Variants in RAB6B observed in about 807,000 individuals in gnomAD.
RAB6B encodes the protein ras-related protein Rab-6B.
In RAB6B, 7 loss-of-function variants were observed where a neutral mutation model predicts 31.2. The observed-to-expected ratio is 0.22, with a 90% CI of 0.13 to 0.42. The LOEUF (loss-of-function observed/expected upper bound fraction) is 0.42, where lower values mean the gene tolerates loss of function less well. Among genes scored for constraint, RAB6B ranks in the 10% least tolerant of loss-of-function variants. The probability of loss-of-function intolerance (pLI) is 1.00; values close to 1 mark genes in which losing one functional copy is unlikely to be tolerated. For missense variants in RAB6B, 149 were observed against 280.6 expected (o/e 0.53, Z 3.35); for synonymous variants, 105 against 104.9 (o/e 1.00, Z -0.01).
At chr3:133,872,088 G>C (rs1224429689) in intron 1 of RAB6B, among the ~76,000 whole-genome samples, 1 of 152,236 alleles carries the variant, frequency 6.6e-6, no homozygotes, top group Non-Finnish European at 1.5e-5. Context: ...GCCAGGAAAA[G>C]AATCTCTGCA....
At chr3:133,852,677 C>T (rs1936004761) in intron 2 of RAB6B, among the ~76,000 whole-genome samples, 1 of 141,976 alleles carries the variant, frequency 7.0e-6, no homozygotes, top group African/African-American at 2.4e-5. Flanking sequence ...GGGGATCTCA[C>T]CATGTTGCCC....
intron 1 of RAB6B, among the ~76,000 whole-genome samples, chr3:133,877,833 T>C (rs564224884): frequency 6.7e-6 from 1 of 149,708 alleles, no homozygotes; most frequent in African/African-American, 2.4e-5. Flanking sequence ...TAATAACATA[T>C]AGTATAATAT....
Position 133,828,646 on chromosome 3 carries a change from C to G in RAB6B, c.*142G>C, listed in dbSNP as rs73861225. 303 of 493,462 alleles carry G rather than the reference C, an allele frequency of 6.1e-4. 12 individuals carry two copies. Among genetic ancestry groups the G allele is most frequent in the African/African-American group, 5.5e-3 (276 of 49,982 alleles). 30.6% of individuals were successfully genotyped at this position (493,462 alleles called of 1,614,324 possible). On this transcript the variant is annotated 3_prime_UTR_variant, in exon 8 of 8. Coordinates refer to ENST00000285208, the MANE Select transcript of RAB6B (RefSeq NM_016577.4). ...CCTGATGCCCAGCCTCCCTCCCCAT[C>G]CCACCCTACTCCTAAAGACAGAGAG... is the stretch of plus-strand genomic sequence containing the variant.
chr3:133,841,213 C>A, intron 4 of RAB6B, 72 bp downstream of exon 4: 1 of 1,426,128 alleles, frequency 7.0e-7, no homozygotes, highest in Non-Finnish European at 9.9e-7. Context: ...TGCACACAGG[C>A]CTGGCCAGGG....
chr3:133,840,009 C>T (rs1365962132), intron 4 of RAB6B, among the ~76,000 whole-genome samples: 25 of 150,552 alleles, frequency 1.7e-4, no homozygotes, highest in African/African-American at 7.4e-5. Context: ...CACACACATG[C>T]GCGCGCGACT....
At chr3:133,879,065 T>C (rs1260072440) in intron 1 of RAB6B, among the ~76,000 whole-genome samples, 1 of 152,200 alleles carries the variant, frequency 6.6e-6, no homozygotes, top group Non-Finnish European at 1.5e-5. Context: ...TTAGTTCCTA[T>C]TCTCTCTGAG....
rs1936699228 is a variant in RAB6B, at chr3:133,895,619, G to A, written c.-153C>T. ...GTCCCTGACTCCCCAGCTGCGTCCCGGTCCCGGCCTGCGGCTGCGTGTCCG... is the reference window on the plus strand; with the variant it reads ...GTCCCTGACTCCCCAGCTGCGTCCCAGTCCCGGCCTGCGGCTGCGTGTCCG... On this transcript the variant is annotated 5_prime_UTR_variant, in exon 1 of 8. Transcript: ENST00000285208. The A allele has an allele frequency of 8.8e-6, 6 of 684,496 alleles. No homozygotes were observed. Among genetic ancestry groups the A allele is most frequent in the East Asian group, 2.9e-5 (1 of 34,962 alleles). The allele number at this position is 684,496 out of a possible 1,614,324, so 42.4% of individuals were successfully genotyped here.
chr3:133,856,419 T>TC, intron 2 of RAB6B, among the ~76,000 whole-genome samples: 1 of 151,912 alleles, frequency 6.6e-6, no homozygotes, highest in South Asian at 2.1e-4. Context: ...AGACATCACA[T>TC]CCACATTCAA....
At chr3:133,838,044 T>A (rs1163510669) in intron 6 of RAB6B, 122 bp downstream of exon 6, 1 of 1,017,976 alleles carries the variant, frequency 9.8e-7, no homozygotes, top group Non-Finnish European at 1.5e-6. Flanking sequence ...ATGGGTGTTC[T>A]GGTTGGCTGC....
intron 7 of RAB6B, among the ~76,000 whole-genome samples, chr3:133,831,194 C>T (rs912539317): frequency 3.3e-5 from 5 of 152,350 alleles, no homozygotes; most frequent in South Asian, 4.1e-4. Context: ...GTTAAAAATA[C>T]GTCTCACTGG....
At chr3:133,886,588 G>A (rs1936551161) in intron 1 of RAB6B, among the ~76,000 whole-genome samples, 1 of 152,006 alleles carries the variant, frequency 6.6e-6, no homozygotes, top group Non-Finnish European at 1.5e-5. Context: ...CACTGGCCAG[G>A]GAGTCAAAGG....
chr3:133,891,428 C>A (rs1195801567), intron 1 of RAB6B, among the ~76,000 whole-genome samples: 1 of 152,180 alleles, frequency 6.6e-6, no homozygotes, highest in Non-Finnish European at 1.5e-5. Flanking sequence ...TAGCCTACTG[C>A]CTATAGAAGC....
At chr3:133,861,444 G>A (rs1026981525) in intron 2 of RAB6B, among the ~76,000 whole-genome samples, 6 of 152,162 alleles carry the variant, frequency 3.9e-5, no homozygotes, top group African/African-American at 1.4e-4. Flanking sequence ...CATCTCACGG[G>A]GCCTACCAGG....
chr3:133,842,869 G>C (rs919575020), intron 2 of RAB6B, among the ~76,000 whole-genome samples: 4 of 152,146 alleles, frequency 2.6e-5, no homozygotes, highest in African/African-American at 9.7e-5. Context: ...ACTAAAATTA[G>C]AAAAAGTCCT....
chr3:133,854,353 T>G (rs976059889), intron 2 of RAB6B, among the ~76,000 whole-genome samples: 1 of 152,194 alleles, frequency 6.6e-6, no homozygotes, highest in South Asian at 2.1e-4. Flanking sequence ...TTTTTGCTGG[T>G]AACTATTTTA....
intron 2 of RAB6B, among the ~76,000 whole-genome samples, chr3:133,856,203 A>T (rs1189903871): frequency 6.6e-6 from 1 of 152,064 alleles, no homozygotes; most frequent in Non-Finnish European, 1.5e-5. Flanking sequence ...CTAGGAGGGG[A>T]CTACATTTCT....
intron 2 of RAB6B, among the ~76,000 whole-genome samples, chr3:133,862,221 C>T (rs1936170118): frequency 6.6e-6 from 1 of 152,100 alleles, no homozygotes. Context: ...CTTGAGGCCT[C>T]TTGATCTGAT....
chr3:133,871,152 C>A (rs528207058), intron 1 of RAB6B, among the ~76,000 whole-genome samples: 21 of 152,386 alleles, frequency 1.4e-4, no homozygotes, highest in African/African-American at 4.8e-4. Flanking sequence ...GTGTGCCAGT[C>A]CTGTTGTGCA....
At chr3:133,878,847 T>C (rs752695618) in intron 1 of RAB6B, among the ~76,000 whole-genome samples, 2 of 152,242 alleles carry the variant, frequency 1.3e-5, no homozygotes, top group African/African-American at 2.4e-5. Flanking sequence ...AGCAAAAATC[T>C]TTCAAAAATG....
Sources: gnomAD v4.1 joint callset for allele counts (sites outside exome capture counted in the v4.1 genomes callset) on GRCh38, gnomAD v4.1.1 for gene constraint, MANE v1.5 for transcripts, NCBI Gene and HGNC (gene_info 2026-07-23, HGNC 2026-07-21) for gene names.